HIPK2: variants seen among roughly 807,000 people sequenced by gnomAD.
HIPK2 encodes the protein homeodomain-interacting protein kinase 2.
Under a neutral mutation model 113.7 loss-of-function variants are expected in HIPK2, and 27 were observed. The observed-to-expected ratio is 0.24, with a 90% CI of 0.17 to 0.33. HIPK2 has a LOEUF of 0.33. HIPK2 is among the 10% of genes least tolerant of loss of function. HIPK2 has a pLI of 1.00. For synonymous variants in HIPK2, 631 were observed against 642.2 expected (o/e 0.98, Z 0.26); for missense variants, 1,257 against 1,588.0 (o/e 0.79, Z 3.54).
chr7:139,776,759 T>G (rs1212447615), intron 1 of HIPK2, among the ~76,000 whole-genome samples: 1 of 152,176 alleles, frequency 6.6e-6, no homozygotes, highest in Non-Finnish European at 1.5e-5. Flanking sequence ...CACATCGAAG[T>G]GTAAAAACTT....
rs1180571682 is a variant in HIPK2 at position 139,714,677 on chromosome 7, C to T, written c.1103+1255G>A. Among the ~76,000 whole-genome samples, 1 of 152,220 alleles carries T rather than the reference C, an allele frequency of 6.6e-6. No individual in the cohort carries two copies. The highest frequency in any genetic ancestry group is 1.5e-5 in the Non-Finnish European group (1 of 68,034). ...GATGGCCTCCGGGGACCCCGGTCTT[C>T]CTGCCTACGTGGCACGCTCTTAAAT... On this transcript the variant is annotated intron_variant, in intron 2 of 14. Transcript: ENST00000406875. The surrounding 1 kb of genome is among the most constrained non-coding windows in gnomAD (Gnocchi z 4.2).
At chr7:139,580,635 G>T (rs1231231592) in intron 13 of HIPK2, among the ~76,000 whole-genome samples, 1 of 152,214 alleles carries the variant, frequency 6.6e-6, no homozygotes, top group East Asian at 1.9e-4. Context: ...TGGCAGGGGT[G>T]CTTACAGCAC....
chr7:139,624,272 C>T (rs531001199), intron 6 of HIPK2, among the ~76,000 whole-genome samples: 1 of 152,266 alleles, frequency 6.6e-6, no homozygotes, highest in South Asian at 2.1e-4. Context: ...ATCCGCCCTC[C>T]TTGGCTTCCC....
intron 1 of HIPK2, among the ~76,000 whole-genome samples, chr7:139,745,868 C>T (rs552784731): frequency 6.6e-6 from 1 of 152,320 alleles, no homozygotes; most frequent in Admixed American, 6.5e-5. Flanking sequence ...GTCAATCCTA[C>T]CCACTACTAG....
chr7:139,745,719 C>T (rs1796179143), intron 1 of HIPK2, among the ~76,000 whole-genome samples: 4 of 152,112 alleles, frequency 2.6e-5, no homozygotes, highest in Admixed American at 2.6e-4. Flanking sequence ...ACACCCCCCT[C>T]ACCCCCCAAC....
intron 2 of HIPK2, among the ~76,000 whole-genome samples, chr7:139,661,001 A>C (rs374827679): frequency 1.0e-4 from 12 of 120,284 alleles, no homozygotes; most frequent in African/African-American, 3.6e-4. Flanking sequence ...TCTAAAAGAC[A>C]CCTTTTTATT....
chr7:139,669,207 C>T (rs1042313777), intron 2 of HIPK2, among the ~76,000 whole-genome samples: 1 of 152,178 alleles, frequency 6.6e-6, no homozygotes, highest in African/African-American at 2.4e-5. Flanking sequence ...CCCGAGACCA[C>T]TATCAATCCC....
chr7:139,626,537 A>T (rs192902802), intron 6 of HIPK2, 64 bp downstream of exon 6: 1 of 1,535,492 alleles, frequency 6.5e-7, no homozygotes, highest in Non-Finnish European at 8.8e-7. Context: ...AACCTAAAAT[A>T]TTTAGTGTCT....
chr7:139,611,185 C>T (rs567656988), intron 9 of HIPK2, among the ~76,000 whole-genome samples: 1 of 152,116 alleles, frequency 6.6e-6, no homozygotes, highest in East Asian at 1.9e-4. Flanking sequence ...TGGGTAACAA[C>T]AAGAAGAAGA....
At chr7:139,707,085 C>A (rs768606916) in intron 2 of HIPK2, among the ~76,000 whole-genome samples, 1 of 152,232 alleles carries the variant, frequency 6.6e-6, no homozygotes, top group African/African-American at 2.4e-5. Flanking sequence ...CTCCTGGAGG[C>A]CTCGGGCAGG....
chr7:139,570,065 AC>A lies in HIPK2; in HGVS notation c.*2861del, dbSNP rs1372989844. 1 of 152,222 alleles carries A rather than the reference AC, an allele frequency of 6.6e-6. No homozygotes were observed. The highest frequency in any genetic ancestry group is 2.4e-5 in the African/African-American group (1 of 41,448). 9.4% of individuals were successfully genotyped at this position (152,222 alleles called of 1,614,324 possible). Reference sequence around the variant, plus strand: ...AATAATTTTCTTTAAAATGAAAAGAACATTTTAAGCTGTCTTTCCCCCTAAA... The same window carrying A: ...AATAATTTTCTTTAAAATGAAAAGAAATTTTAAGCTGTCTTTCCCCCTAAA... On this transcript the variant is annotated 3_prime_UTR_variant, in exon 15 of 15. Transcript: ENST00000406875.
At chr7:139,627,719 T>G (rs1800481866) in intron 5 of HIPK2, among the ~76,000 whole-genome samples, 1 of 152,208 alleles carries the variant, frequency 6.6e-6, no homozygotes, top group Non-Finnish European at 1.5e-5. Flanking sequence ...TTTACTGGTG[T>G]ATAGCTTTGT....
chr7:139,723,503 A>G (rs1355530287), intron 1 of HIPK2, among the ~76,000 whole-genome samples: 2 of 152,136 alleles, frequency 1.3e-5, no homozygotes, highest in African/African-American at 2.4e-5. Flanking sequence ...CAACTCACAC[A>G]GTTTTTTAAA....
rs76591813 is a variant in HIPK2, at chr7:139,752,214, C to T, written c.19+25391G>A. On this transcript the variant is annotated intron_variant, in intron 1 of 14. Coordinates refer to ENST00000406875, the MANE Select transcript of HIPK2 (RefSeq NM_022740.5). ...AATGGTCTCCAACCTCCTCAGCCCC[C>T]CACCCCACAGGGGCAGCTCCTTTGC... is the stretch of plus-strand genomic sequence containing the variant. 3.3e-4 allele frequency among the ~76,000 whole-genome samples: 51 copies of T among 152,330 alleles called. 2 individuals carry two copies. In the East Asian group the frequency reaches 9.4e-3, roughly 28 times the overall value.
rs1800615773 is a variant in HIPK2, at chr7:139,631,483, G to A, written c.1227+119C>T. 2 of 1,471,096 alleles carry A rather than the reference G, an allele frequency of 1.4e-6. No homozygotes were observed. The highest frequency in any genetic ancestry group is 1.8e-6 in the Non-Finnish European group (2 of 1,104,298). 91.1% of individuals were successfully genotyped at this position (1,471,096 alleles called of 1,614,324 possible). A position where few individuals can be genotyped will look rare whatever the true frequency, so the allele number is the denominator to read the frequency against. ...CAAGGTTAAGGGAAGCAAGGTTTGG[G>A]AGACAACGTGACATTCCACAGTCCC... On this transcript the variant is annotated intron_variant, in intron 3 of 14. Coordinates refer to ENST00000406875, the MANE Select transcript of HIPK2 (RefSeq NM_022740.5). The surrounding 1 kb of genome is among the most constrained non-coding windows in gnomAD (Gnocchi z 4.9).
chr7:139,669,752 C>T (rs1802197009), intron 2 of HIPK2, among the ~76,000 whole-genome samples: 1 of 152,162 alleles, frequency 6.6e-6, no homozygotes, highest in Admixed American at 6.5e-5. Context: ...CGCTAGGCTA[C>T]ATCAATTATC....
chr7:139,609,329 C>G (rs2116750932), intron 9 of HIPK2, among the ~76,000 whole-genome samples: 1 of 152,306 alleles, frequency 6.6e-6, no homozygotes, highest in East Asian at 1.9e-4. Flanking sequence ...CTGCCATGCA[C>G]ACATCCTCTG....
At position 139,581,665 on chromosome 7, in the gene HIPK2, G is replaced by A. The variant is rs1221041398; in HGVS notation, c.2965+2152C>T. 2.0e-5 allele frequency among the ~76,000 whole-genome samples: 3 copies of A among 152,156 alleles called. No individual in the cohort carries two copies. In the East Asian group the frequency reaches 5.8e-4, roughly 29 times the overall value. On this transcript the variant is annotated intron_variant, in intron 13 of 14. Transcript: ENST00000406875. ...GGGAGCTGTTAACTGGCTGTACCTTGGCCTGTATGCATCACTGGGCTCCAG... is the reference window on the plus strand; with the variant it reads ...GGGAGCTGTTAACTGGCTGTACCTTAGCCTGTATGCATCACTGGGCTCCAG...
chr7:139,707,231 C>T (rs1794928623), intron 2 of HIPK2, among the ~76,000 whole-genome samples: 1 of 152,248 alleles, frequency 6.6e-6, no homozygotes, highest in Non-Finnish European at 1.5e-5. Context: ...CAAGCCCTTG[C>T]TCTTGGGGAA....
Sources: allele counts gnomAD v4.1 joint callset (sites outside exome capture counted in the v4.1 genomes callset), GRCh38; gene constraint gnomAD v4.1.1; non-coding constraint Gnocchi (gnomAD v3.1); transcripts MANE v1.5; gene names NCBI Gene and HGNC (gene_info 2026-07-23, HGNC 2026-07-21).